MAP7: variants seen among roughly 807,000 people sequenced by gnomAD.
The protein encoded by MAP7 is ensconsin.
Under a neutral mutation model 94.8 loss-of-function variants are expected in MAP7, and 52 were observed. That is an observed-to-expected ratio of 0.55 (90% CI 0.44 to 0.69). The LOEUF (loss-of-function observed/expected upper bound fraction) is 0.69, where lower values mean the gene tolerates loss of function less well. Among genes scored for constraint, MAP7 ranks in the 30% least tolerant of loss-of-function variants. The pLI is 0.00. For missense variants in MAP7, 940 were observed against 964.6 expected (o/e 0.97, Z 0.34); for synonymous variants, 350 against 357.0 (o/e 0.98, Z 0.22).
At chr6:136,450,914 G>C (rs906731334) in intron 1 of MAP7, among the ~76,000 whole-genome samples, 1 of 152,188 alleles carries the variant, frequency 6.6e-6, no homozygotes, top group Non-Finnish European at 1.5e-5. Flanking sequence ...AAACATGACT[G>C]TAGGAGACAA....
intron 1 of MAP7, among the ~76,000 whole-genome samples, chr6:136,520,222 G>A (rs1825996165): frequency 6.6e-6 from 1 of 151,208 alleles, no homozygotes; most frequent in Non-Finnish European, 1.5e-5. Context: ...AAAAAGGGGG[G>A]AGGAGCAGGA....
At chr6:136,511,297 T>G (rs1197987640) in intron 1 of MAP7, among the ~76,000 whole-genome samples, 1 of 152,048 alleles carries the variant, frequency 6.6e-6, no homozygotes, top group Non-Finnish European at 1.5e-5. Flanking sequence ...GATTTTCTAC[T>G]GTGGTGTCAC....
At position 136,366,357 on chromosome 6, in the gene MAP7, T is replaced by A. The variant is rs770510416; in HGVS notation, c.959A>T (p.Lys320Ile). ...TCGGGAGCGAGCTGGTTGTCTTGCTTTGGGATTAGATGGAGATACAGCCCT... is the reference window on the plus strand; with the variant it reads ...TCGGGAGCGAGCTGGTTGTCTTGCTATGGGATTAGATGGAGATACAGCCCT... ...TRRAVSPSNP[K>I]ARQPARSRLW... Residue 320 changes from lysine (K) to isoleucine (I), a missense_variant, in exon 9 of 18, where the codon AAA becomes ATA. By Grantham distance (102) the Lys-to-Ile change is moderately radical. Coordinates refer to ENST00000354570, the MANE Select transcript of MAP7 (RefSeq NM_003980.6). 1 of 1,614,092 alleles carries A rather than the reference T, an allele frequency of 6.2e-7. No homozygotes were observed. The highest frequency in any genetic ancestry group is 1.1e-5 in the South Asian group (1 of 91,076).
intron 1 of MAP7, among the ~76,000 whole-genome samples, chr6:136,457,391 A>T (rs562343700): frequency 6.6e-6 from 1 of 152,072 alleles, no homozygotes; most frequent in South Asian, 2.1e-4. Context: ...TCCACCAAAC[A>T]TTTAAAGAAT....
At chr6:136,524,363 A>G (rs3799461) in intron 1 of MAP7, among the ~76,000 whole-genome samples, 21,901 of 152,238 alleles carry the variant, frequency 0.14, 3,731 homozygotes, top group African/African-American at 0.4. Flanking sequence ...ATACCCCATG[A>G]GAACAATTCA....
intron 7 of MAP7, among the ~76,000 whole-genome samples, chr6:136,376,082 T>G (rs1776031323): frequency 6.6e-6 from 1 of 151,140 alleles, no homozygotes; most frequent in Non-Finnish European, 1.5e-5. Context: ...AGCTAAATGC[T>G]AGAAAATAGG....
intron 1 of MAP7, among the ~76,000 whole-genome samples, chr6:136,547,686 GACTA>G (rs1829836349): frequency 7.0e-6 from 1 of 143,224 alleles, no homozygotes; most frequent in African/African-American, 2.8e-5. Context: ...AATGTGATTT[GACTA>G]ACTTTGAGAA....
At chr6:136,398,932 T>C (rs972267566) in intron 3 of MAP7, among the ~76,000 whole-genome samples, 2 of 152,212 alleles carry the variant, frequency 1.3e-5, no homozygotes, top group East Asian at 1.9e-4. Context: ...CTGGTCCCTC[T>C]GAACAGGCTT....
At chr6:136,435,794 C>G (rs1796229088) in intron 1 of MAP7, among the ~76,000 whole-genome samples, 1 of 152,082 alleles carries the variant, frequency 6.6e-6, no homozygotes. Flanking sequence ...GCAAGAAAAC[C>G]TGCTTTAGAA....
chr6:136,527,082 C>T (rs1264062764), intron 1 of MAP7, among the ~76,000 whole-genome samples: 1 of 152,116 alleles, frequency 6.6e-6, no homozygotes, highest in Non-Finnish European at 1.5e-5. Context: ...CCCAGCACAC[C>T]CCCCACCCTC....
intron 1 of MAP7, among the ~76,000 whole-genome samples, chr6:136,480,466 C>T (rs2128962216): frequency 6.6e-6 from 1 of 151,748 alleles, no homozygotes; most frequent in Admixed American, 6.6e-5. Context: ...CACGGTGAAA[C>T]CCCATCTCTA....
intron 1 of MAP7, among the ~76,000 whole-genome samples, chr6:136,452,915 A>C (rs1030907476): frequency 6.6e-6 from 1 of 152,196 alleles, no homozygotes; most frequent in African/African-American, 2.4e-5. Flanking sequence ...AATAGACTAC[A>C]GTATAGTGTA....
chr6:136,536,542 C>T (rs1488586923), intron 1 of MAP7, among the ~76,000 whole-genome samples: 2 of 152,190 alleles, frequency 1.3e-5, no homozygotes, highest in African/African-American at 2.4e-5. Context: ...ACTCCAGACA[C>T]ATGCAATGTT....
chr6:136,413,325 C>T (rs1170132376), intron 2 of MAP7, among the ~76,000 whole-genome samples: 1 of 152,042 alleles, frequency 6.6e-6, no homozygotes, highest in Non-Finnish European at 1.5e-5. Flanking sequence ...GAGTTCAAGA[C>T]CAGCCTGGCC....
chr6:136,482,145 A>T (rs912113822), intron 1 of MAP7, among the ~76,000 whole-genome samples: 11 of 152,240 alleles, frequency 7.2e-5, no homozygotes, highest in African/African-American at 2.2e-4. Flanking sequence ...GTGAGTTTGC[A>T]GAGAAAAGGC....
chr6:136,513,055 G>A (rs2129034258), intron 1 of MAP7, among the ~76,000 whole-genome samples: 1 of 152,072 alleles, frequency 6.6e-6, no homozygotes, highest in South Asian at 2.1e-4. Flanking sequence ...CTGTTGCCCG[G>A]TCTGGTCTCA....
At chr6:136,345,801 T>A in intron 17 of MAP7, 55 bp downstream of exon 17, 1 of 1,399,382 alleles carries the variant, frequency 7.1e-7, no homozygotes, top group Non-Finnish European at 1.0e-6. Context: ...GTTCGTGTCC[T>A]CCTGGGTGTC....
At chr6:136,390,369 C>A (rs1184003691) in intron 3 of MAP7, among the ~76,000 whole-genome samples, 2 of 152,088 alleles carry the variant, frequency 1.3e-5, no homozygotes, top group African/African-American at 4.8e-5. Context: ...AAAGAAAAAA[C>A]AGGCCAGGTG....
intron 1 of MAP7, among the ~76,000 whole-genome samples, chr6:136,462,405 C>A: frequency 6.6e-6 from 1 of 152,136 alleles, no homozygotes. Flanking sequence ...AAGTTTCTCC[C>A]AGTTCTTTCA....
Sources: gnomAD v4.1 joint callset for allele counts (sites outside exome capture counted in the v4.1 genomes callset) on GRCh38, gnomAD v4.1.1 for gene constraint, MANE v1.5 for transcripts, NCBI Gene and HGNC (gene_info 2026-07-23, HGNC 2026-07-21) for gene names.